The following CADM4 variants were observed in gnomAD, a reference collection of about 807,000 sequenced individuals.
CADM4 encodes TSLC1-like 2.
CADM4 carries 13 observed loss-of-function variants against 43.9 expected under a neutral mutation model. That is an observed-to-expected ratio of 0.30 (90% CI 0.19 to 0.47). The LOEUF (loss-of-function observed/expected upper bound fraction) is 0.47, where lower values mean the gene tolerates loss of function less well. Among genes scored for constraint, CADM4 ranks in the 20% least tolerant of loss-of-function variants. The probability of loss-of-function intolerance (pLI) is 1.00; values close to 1 mark genes in which losing one functional copy is unlikely to be tolerated. For missense variants in CADM4, 420 were observed against 527.0 expected, an observed-to-expected ratio of 0.80 and a Z score of 1.99; for synonymous variants, 209 against 220.9, an observed-to-expected ratio of 0.95 and a Z score of 0.48.
Position 43,626,340 on chromosome 19 carries a change from C to T in CADM4, c.500-52G>A. On this transcript the variant is annotated intron_variant, in intron 4 of 8. Coordinates refer to ENST00000222374, the MANE Select transcript of CADM4 (RefSeq NM_145296.2). This position sits in a 1 kb window ranked among gnomAD's most constrained non-coding sequence, Gnocchi z 5.9. ...AGGCCACAATTCCGGCTCCATCCACCCACCCACCCGAGCCAACGCCAAAGC... is the reference window on the plus strand; with the variant it reads ...AGGCCACAATTCCGGCTCCATCCACTCACCCACCCGAGCCAACGCCAAAGC... 1 of 1,590,250 alleles carries T rather than the reference C, an allele frequency of 6.3e-7. No homozygotes were observed. Among genetic ancestry groups the T allele is most frequent in the Non-Finnish European group, 8.5e-7 (1 of 1,169,800 alleles).
chr19:43,634,151 G>A (rs1194915634), intron 1 of CADM4, among the ~76,000 whole-genome samples: 1 of 152,184 alleles, frequency 6.6e-6, no homozygotes. Flanking sequence ...TATAAAATGG[G>A]AATGATGCCA....
rs1973527323 is a variant in CADM4 at position 43,626,326 on chromosome 19, C to A, written c.500-38G>T. 6.3e-7 allele frequency: 1 copy of A among 1,597,266 alleles called. No homozygotes were observed. The highest frequency in any genetic ancestry group is 2.2e-5 in the East Asian group (1 of 44,636). On this transcript the variant is annotated intron_variant, in intron 4 of 8. Transcript: ENST00000222374. This position sits in a 1 kb window ranked among gnomAD's most constrained non-coding sequence, Gnocchi z 5.9. ...GGTCAGACACTGTCAGGCCACAATT[C>A]CGGCTCCATCCACCCACCCACCCGA...
intron 1 of CADM4, among the ~76,000 whole-genome samples, chr19:43,635,346 T>A (rs1429816199): frequency 6.7e-6 from 1 of 148,716 alleles, no homozygotes; most frequent in Non-Finnish European, 1.5e-5. Context: ...AATGGCGGAG[T>A]CCGAACATCC....
At chr19:43,632,655 C>A (rs1309928649) in intron 1 of CADM4, among the ~76,000 whole-genome samples, 1 of 152,076 alleles carries the variant, frequency 6.6e-6, no homozygotes, top group African/African-American at 2.4e-5. Context: ...ATGTTCTTCT[C>A]CCCACCTCCC....
intron 1 of CADM4, among the ~76,000 whole-genome samples, chr19:43,635,414 G>C (rs1973687845): frequency 6.6e-6 from 1 of 151,388 alleles, no homozygotes; most frequent in Non-Finnish European, 1.5e-5. Flanking sequence ...TGTATTCGCA[G>C]GACCTAGGCG....
In CADM4 at chr19:43,625,616, C is replaced by T. The variant is rs577739836; in HGVS notation, c.755+295G>A. ...AATAATAATAATTCTAGCCCTCCCA[C>T]GCCATTCCATCCTCAGCAACCAGGA... On this transcript the variant is annotated intron_variant, in intron 6 of 8. Transcript: ENST00000222374. This position sits in a 1 kb window ranked among gnomAD's most constrained non-coding sequence, Gnocchi z 4.5. Among the ~76,000 whole-genome samples, 7 of 152,224 alleles carry T rather than the reference C, an allele frequency of 4.6e-5. No homozygotes were observed. The South Asian group carries it at 1.5e-3, about 32-fold the overall frequency.
chr19:43,633,877 T>A (rs1024522827), intron 1 of CADM4, among the ~76,000 whole-genome samples: 1 of 151,716 alleles, frequency 6.6e-6, no homozygotes, highest in East Asian at 1.9e-4. Context: ...TTTTTTTTTT[T>A]AGAGATGGGG....
rs1973501135 is a variant in CADM4 at position 43,625,075 on chromosome 19, C to T, written c.928+3G>A. The T allele has an allele frequency of 6.4e-7, 1 of 1,573,684 alleles. No individual in the cohort carries two copies. Among genetic ancestry groups the T allele is most frequent in the Non-Finnish European group, 8.6e-7 (1 of 1,158,096 alleles). On this transcript the variant is annotated splice_donor_region_variant and intron_variant, in intron 7 of 8. Coordinates refer to ENST00000222374, the MANE Select transcript of CADM4 (RefSeq NM_145296.2). The surrounding 1 kb of genome is among the most constrained non-coding windows in gnomAD (Gnocchi z 4.5). ...CCCTCAGTCGGCCGCAGCCTGCTCT[C>T]ACCGTAGACCACAAGTACGTAGAGC...
At position 43,639,737 on chromosome 19, in the gene CADM4, C is replaced by T; in HGVS notation, c.54G>A (p.Ala18=). 2.0e-6 allele frequency: 2 copies of T among 1,013,422 alleles called. No homozygotes were observed. Among genetic ancestry groups the T allele is most frequent in the South Asian group, 3.6e-5 (1 of 27,720 alleles). The allele number at this position is 1,013,422 out of a possible 1,614,324, so 62.8% of individuals were successfully genotyped here. The change falls in exon 1 of 9, where the codon GCG becomes GCA. Residue 18 remains alanine, a synonymous_variant. Transcript: ENST00000222374. The part of the protein sequence containing the change: ...QWPLLLLWAA[A]AGPGAGQEVQ... ...GGCCCCCGACCCTACCTGGCCCCGC[C>T]GCGGCCGCCCACAGCAGCAGCAGCG... is the stretch of plus-strand genomic sequence containing the variant.
At chr19:43,637,147 T>C (rs1973715567) in intron 1 of CADM4, among the ~76,000 whole-genome samples, 1 of 152,140 alleles carries the variant, frequency 6.6e-6, no homozygotes. Context: ...TCTTTGGGCA[T>C]AAATCTCATC....
intron 1 of CADM4, among the ~76,000 whole-genome samples, chr19:43,633,367 C>T (rs1973655414): frequency 6.6e-6 from 1 of 152,088 alleles, no homozygotes; most frequent in Non-Finnish European, 1.5e-5. Context: ...AGCCACTGCG[C>T]CTGGCCCAGA....
chr19:43,631,229 T>C (rs1029948477), intron 1 of CADM4, among the ~76,000 whole-genome samples: 1 of 151,770 alleles, frequency 6.6e-6, no homozygotes, highest in African/African-American at 2.4e-5. Context: ...TAATTCCAGC[T>C]ACTCAGGAGG....
At position 43,623,367 on chromosome 19, in the gene CADM4, C is replaced by G; in HGVS notation, c.1130G>C (p.Ser377Thr). The part of the protein sequence containing the change: ...GEAREAFLNG[S>T]DGHKRKEEFF... ...TTCCTCTTTCCTCTTGTGTCCGTCG[C>G]TGCCATTGAGGAAGGCTTCTCTTGC... Residue 377 changes from serine to threonine, a missense_variant, in exon 9 of 9, where the codon AGC becomes ACC. Ser to Thr is a moderately conservative substitution (Grantham distance 58, BLOSUM62 1). Transcript: ENST00000222374. This position sits in a 1 kb window ranked among gnomAD's most constrained non-coding sequence, Gnocchi z 4.4. The G allele has an allele frequency of 6.2e-7, 1 of 1,614,178 alleles. No homozygotes were observed.
In CADM4 at chr19:43,623,322, G is replaced by A. The variant is rs778169501; in HGVS notation, c.*8C>T. 1 of 1,610,602 alleles carries A rather than the reference G, an allele frequency of 6.2e-7. No homozygotes were observed. The highest frequency in any genetic ancestry group is 8.5e-7 in the Non-Finnish European group (1 of 1,177,274). ...AGGCCCAGGCCTAGGCCTGGGGTGG[G>A]GATAGGGTCAGATGAAGAATTCCTC... is the stretch of plus-strand genomic sequence containing the variant. On this transcript the variant is annotated 3_prime_UTR_variant, in exon 9 of 9. Transcript: ENST00000222374. This position sits in a 1 kb window ranked among gnomAD's most constrained non-coding sequence, Gnocchi z 4.4.
intron 1 of CADM4, among the ~76,000 whole-genome samples, chr19:43,638,232 C>G (rs1026272322): frequency 1.3e-5 from 2 of 152,158 alleles, no homozygotes; most frequent in East Asian, 1.9e-4. Flanking sequence ...AACATGTAAC[C>G]GCACTCAACT....
At chr19:43,629,025 T>G (rs1331190853) in intron 1 of CADM4, among the ~76,000 whole-genome samples, 1 of 152,252 alleles carries the variant, frequency 6.6e-6, no homozygotes, top group African/African-American at 2.4e-5. Flanking sequence ...GTGGGTGATC[T>G]GTTCTACTGC....
At chr19:43,637,682 G>A (rs1230769087) in intron 1 of CADM4, among the ~76,000 whole-genome samples, 2 of 152,142 alleles carry the variant, frequency 1.3e-5, no homozygotes, top group African/African-American at 2.4e-5. Flanking sequence ...CCAGAGAAAG[G>A]CTTTTGCACG....
At chr19:43,630,526 C>T (rs1473757101) in intron 1 of CADM4, among the ~76,000 whole-genome samples, 1 of 148,244 alleles carries the variant, frequency 6.7e-6, no homozygotes, top group Non-Finnish European at 1.5e-5. Context: ...CCTCGTGATC[C>T]ACCCGCCTCG....
intron 7 of CADM4, 52 bp from the exon 8 acceptor site, chr19:43,624,294 T>C (rs1368533871): frequency 3.1e-6 from 5 of 1,612,282 alleles, no homozygotes; most frequent in Admixed American, 1.7e-5. Flanking sequence ...GATCCCAGTC[T>C]GGCCCCATCG....
Sources: allele counts gnomAD v4.1 joint callset (sites outside exome capture counted in the v4.1 genomes callset), GRCh38; gene constraint gnomAD v4.1.1; non-coding constraint Gnocchi (gnomAD v3.1); transcripts MANE v1.5; gene names NCBI Gene and HGNC (gene_info 2026-07-23, HGNC 2026-07-21).